SEC22C: variants seen among roughly 807,000 people sequenced by gnomAD.
SEC22C encodes the protein SEC22 homolog C, vesicle trafficking protein, also known as vesicle-trafficking protein SEC22c.
A neutral mutation model predicts 34.7 loss-of-function variants in SEC22C; 29 were observed. That is an observed-to-expected ratio of 0.84 (90% CI 0.62 to 1.14). The LOEUF (loss-of-function observed/expected upper bound fraction) is 1.14, where lower values mean the gene tolerates loss of function less well. SEC22C is among the 50% of genes most tolerant of loss of function. SEC22C has a pLI of 0.00. For synonymous variants in SEC22C, 117 were observed against 132.8 expected, an observed-to-expected ratio of 0.88 and a Z score of 0.82; for missense variants, 337 against 369.0, an observed-to-expected ratio of 0.91 and a Z score of 0.71.
At chr3:42,568,110 A>C in intron 2 of SEC22C, among the ~76,000 whole-genome samples, 1 of 152,228 alleles carries the variant, frequency 6.6e-6, no homozygotes, top group South Asian at 2.1e-4. Flanking sequence ...TGAAAAATTA[A>C]AACATAAAAA....
upstream of SEC22C, among the ~76,000 whole-genome samples, chr3:42,583,141 T>C (rs1704486396): frequency 6.6e-6 from 1 of 152,176 alleles, no homozygotes; most frequent in South Asian, 2.1e-4. Flanking sequence ...TTTAGGACCA[T>C]AGAACACTGG....
At chr3:42,555,590 G>A (rs1226271015) in intron 6 of SEC22C, among the ~76,000 whole-genome samples, 1 of 152,180 alleles carries the variant, frequency 6.6e-6, no homozygotes, top group Non-Finnish European at 1.5e-5. Context: ...GCAATATCTT[G>A]CCACTCACTA....
At chr3:42,563,910 A>C (rs9311324) in intron 2 of SEC22C, 308,586 of 1,424,968 alleles carry the variant, frequency 0.22, 36,159 homozygotes, top group East Asian at 0.45. Flanking sequence ...ACAGCCTGTG[A>C]TCACTCTTAT....
At position 42,548,650 on chromosome 3, in the gene SEC22C, C is replaced by T. The variant is rs1702098176; in HGVS notation, c.*4598G>A. 1.2e-6 allele frequency: 2 copies of T among 1,614,058 alleles called. No individual in the cohort carries two copies. The highest frequency in any genetic ancestry group is 4.5e-5 in the East Asian group (2 of 44,872). On this transcript the variant is annotated 3_prime_UTR_variant, in exon 7 of 7. Transcript: ENST00000264454. ...TTGGTCCAACCAGCAGAACCAGCTC[C>T]TTGGATCCTGGAATAAACCAAACAT...
intron 2 of SEC22C, chr3:42,566,868 G>C: frequency 2.6e-6 from 1 of 380,492 alleles, no homozygotes; most frequent in South Asian, 2.0e-5. Context: ...GCTGGGTATA[G>C]TGGTGTGTAG....
chr3:42,567,508 C>T lies in SEC22C; in HGVS notation c.182+1357G>A, dbSNP rs566175238. ...AAGTTTTTTTTACCTCAGTTTCCTC[C>T]TCTGCAAAACAGGTGTAACACTATT... On this transcript the variant is annotated intron_variant, in intron 2 of 6. Coordinates refer to ENST00000264454, the MANE Select transcript of SEC22C (RefSeq NM_032970.4). Among the ~76,000 whole-genome samples the T allele has an allele frequency of 3.8e-4, 58 of 152,296 alleles. 1 individual carries two copies. In the South Asian group the frequency reaches 5.2e-3, roughly 14 times the overall value.
chr3:42,562,116 T>A (rs1179526485), intron 3 of SEC22C, among the ~76,000 whole-genome samples: 1 of 152,216 alleles, frequency 6.6e-6, no homozygotes, highest in Non-Finnish European at 1.5e-5. Flanking sequence ...CATTATCACA[T>A]CTGAACAGTT....
intron 4 of SEC22C, among the ~76,000 whole-genome samples, chr3:42,558,711 G>C (rs538160471): frequency 1.3e-5 from 2 of 152,224 alleles, no homozygotes; most frequent in African/African-American, 4.8e-5. Flanking sequence ...AGGATAGCTT[G>C]AGCCCTGGAG....
chr3:42,581,616 G>C (rs1704357511), intron 1 of SEC22C, among the ~76,000 whole-genome samples: 1 of 152,264 alleles, frequency 6.6e-6, no homozygotes, highest in Non-Finnish European at 1.5e-5. Context: ...TCCTGCAGGC[G>C]CGTGCCTTGG....
chr3:42,595,254 T>A (rs926272772), intron 1 of SEC22C: 1 of 152,258 alleles, frequency 6.6e-6, no homozygotes, highest in African/African-American at 2.4e-5. Context: ...TTTGTTGATG[T>A]TCCTTTAAGT....
intron 1 of SEC22C, chr3:42,600,628 T>G (rs1225874815): frequency 3.7e-5 from 6 of 163,014 alleles, no homozygotes; most frequent in Non-Finnish European, 6.7e-5. Context: ...TCTCGCGGTA[T>G]TTGTCCCGAC....
intron 1 of SEC22C, 31 bp from the exon 2 acceptor site, chr3:42,569,104 G>A: frequency 6.8e-7 from 1 of 1,471,310 alleles, no homozygotes. Flanking sequence ...TTGTTACTGA[G>A]GCTCAAATGA....
intron 1 of SEC22C, among the ~76,000 whole-genome samples, chr3:42,592,389 A>G (rs544885747): frequency 3.3e-5 from 5 of 152,206 alleles, no homozygotes; most frequent in African/African-American, 1.2e-4. Flanking sequence ...TAGTAGAGAC[A>G]GGGTTTCACC....
Position 42,551,862 on chromosome 3 carries a change from G to C in SEC22C, c.*1386C>G, listed in dbSNP as rs1374663223. 3 of 982,594 alleles carry C rather than the reference G, an allele frequency of 3.1e-6. No homozygotes were observed. The highest frequency in any genetic ancestry group is 3.6e-6 in the Non-Finnish European group (3 of 827,572). The allele number at this position is 982,594 out of a possible 1,614,324, so 60.9% of individuals were successfully genotyped here. ...TCCCTATCCACTCAACTCTTGTAATGGTTTTCCACTTTTAAAAACTATCAA... is the reference window on the plus strand; with the variant it reads ...TCCCTATCCACTCAACTCTTGTAATCGTTTTCCACTTTTAAAAACTATCAA... On this transcript the variant is annotated 3_prime_UTR_variant, in exon 7 of 7. Transcript: ENST00000264454.
upstream of SEC22C, among the ~76,000 whole-genome samples, chr3:42,585,479 C>G (rs773362471): frequency 1.3e-5 from 2 of 152,206 alleles, no homozygotes; most frequent in Admixed American, 6.5e-5. Flanking sequence ...TGTCCTTCTG[C>G]TATTCTCTGA....
chr3:42,594,543 G>A (rs1187109491), intron 1 of SEC22C: 1 of 1,568,066 alleles, frequency 6.4e-7, no homozygotes, highest in Non-Finnish European at 8.8e-7. Flanking sequence ...CTTCCATTTG[G>A]CTGTCGTGAG....
At chr3:42,600,492 C>T (rs1705260850) in intron 1 of SEC22C, 1 of 151,938 alleles carries the variant, frequency 6.6e-6, no homozygotes, top group Non-Finnish European at 1.5e-5. Flanking sequence ...ACAGGGAACG[C>T]GCAGGTATAG....
intron 1 of SEC22C, among the ~76,000 whole-genome samples, chr3:42,597,442 G>A (rs1559538819): frequency 6.6e-6 from 1 of 152,098 alleles, no homozygotes; most frequent in Admixed American, 6.5e-5. Flanking sequence ...TGTAGTCTCA[G>A]CTACACTGGA....
chr3:42,549,484 G>C lies in SEC22C; in HGVS notation c.*3764C>G. 2.0e-6 allele frequency: 2 copies of C among 985,920 alleles called. No individual in the cohort carries two copies. The highest frequency in any genetic ancestry group is 2.4e-6 in the Non-Finnish European group (2 of 830,326). The allele number at this position is 985,920 out of a possible 1,614,324, so 61.1% of individuals were successfully genotyped here. A position where few individuals can be genotyped will look rare whatever the true frequency, so the allele number is the denominator to read the frequency against. On this transcript the variant is annotated 3_prime_UTR_variant, in exon 7 of 7. Coordinates refer to ENST00000264454, the MANE Select transcript of SEC22C (RefSeq NM_032970.4). Reference sequence around the variant, plus strand: ...CAGCTCTGCTCCCTACCTATGCCCTGCTTCCTGTGCCTCACACAGCCAGCC... The same window carrying C: ...CAGCTCTGCTCCCTACCTATGCCCTCCTTCCTGTGCCTCACACAGCCAGCC...
Sources: allele counts gnomAD v4.1 joint callset (sites outside exome capture counted in the v4.1 genomes callset), GRCh38; gene constraint gnomAD v4.1.1; transcripts MANE v1.5; gene names NCBI Gene and HGNC (gene_info 2026-07-23, HGNC 2026-07-21).